Variants in CNTNAP2 observed in about 807,000 individuals in gnomAD.
The protein encoded by CNTNAP2 is contactin associated protein 2, also known as contactin-associated protein-like 2.
CNTNAP2 carries 98 observed loss-of-function variants against 155.2 expected under a neutral mutation model. That is an observed-to-expected ratio of 0.63 (90% CI 0.54 to 0.75). The LOEUF (loss-of-function observed/expected upper bound fraction) is 0.75, where lower values mean the gene tolerates loss of function less well. Among genes scored for constraint, CNTNAP2 ranks in the 30% least tolerant of loss-of-function variants. CNTNAP2 has a pLI of 0.00. For missense variants in CNTNAP2, 1,727 were observed against 1,688.1 expected (o/e 1.02, Z -0.40); for synonymous variants, 651 against 631.2 (o/e 1.03, Z -0.47).
At chr7:147,723,570 C>CT (rs879792985) in intron 13 of CNTNAP2, among the ~76,000 whole-genome samples, 2,454 of 145,340 alleles carry the variant, frequency 0.017, 66 homozygotes, top group African/African-American at 0.057. Flanking sequence ...TAGACTTTGT[C>CT]TTTTTTTTTT....
At chr7:148,003,609 A>G (rs562028035) in intron 15 of CNTNAP2, among the ~76,000 whole-genome samples, 2 of 152,308 alleles carry the variant, frequency 1.3e-5, no homozygotes, top group East Asian at 1.9e-4. Context: ...AAGACATTCT[A>G]TCTTTCCCTA....
chr7:147,963,520 A>T (rs2373280), intron 14 of CNTNAP2, among the ~76,000 whole-genome samples: 20,548 of 152,166 alleles, frequency 0.14, 2,286 homozygotes, highest in African/African-American at 0.31. Context: ...AAAGGGCGCA[A>T]CATGTACAAA....
At chr7:148,091,649 A>G (rs1803843988) in intron 15 of CNTNAP2, among the ~76,000 whole-genome samples, 1 of 152,244 alleles carries the variant, frequency 6.6e-6, no homozygotes, top group Admixed American at 6.5e-5. Flanking sequence ...AAAGCTGAGA[A>G]GTATTCTTTC....
intron 13 of CNTNAP2, among the ~76,000 whole-genome samples, chr7:147,838,573 C>A (rs1004423883): frequency 6.6e-6 from 1 of 152,158 alleles, no homozygotes; most frequent in African/African-American, 2.4e-5. Flanking sequence ...CAAAGTTCCA[C>A]AAATCTCTAT....
At chr7:147,957,638 G>T (rs963229972) in intron 14 of CNTNAP2, among the ~76,000 whole-genome samples, 2 of 151,922 alleles carry the variant, frequency 1.3e-5, no homozygotes, top group Non-Finnish European at 2.9e-5. Flanking sequence ...ATTCAGTTCC[G>T]GTTAACCAAG....
intron 13 of CNTNAP2, among the ~76,000 whole-genome samples, chr7:147,711,734 G>A (rs1024690949): frequency 6.6e-6 from 1 of 152,102 alleles, no homozygotes; most frequent in Non-Finnish European, 1.5e-5. Context: ...TTTTAACACA[G>A]GATGTCTATT....
intron 15 of CNTNAP2, among the ~76,000 whole-genome samples, chr7:148,103,566 T>C (rs1804148071): frequency 6.6e-6 from 1 of 152,230 alleles, no homozygotes; most frequent in Admixed American, 6.5e-5. Flanking sequence ...GTCATCAATG[T>C]GAATTCCATT....
chr7:147,838,402 T>A (rs1159498460), intron 13 of CNTNAP2, among the ~76,000 whole-genome samples: 1 of 139,200 alleles, frequency 7.2e-6, no homozygotes, highest in African/African-American at 2.5e-5. Context: ...AAAATAGGAT[T>A]TTTTTTTCTA....
intron 10 of CNTNAP2, among the ~76,000 whole-genome samples, chr7:147,399,065 G>A (rs1003385749): frequency 1.5e-4 from 23 of 152,042 alleles, no homozygotes; most frequent in Non-Finnish European, 2.8e-4. Context: ...TGCAGGGAAA[G>A]AACATTTGAC....
chr7:146,867,069 G>A (rs1370516008), intron 3 of CNTNAP2, among the ~76,000 whole-genome samples: 1 of 151,934 alleles, frequency 6.6e-6, no homozygotes, highest in African/African-American at 2.4e-5. Flanking sequence ...TGTTACATAG[G>A]TAAACACGTG....
In CNTNAP2 at chr7:146,710,276, A is replaced by AT. The variant is rs1228103713; in HGVS notation, c.98-63991dup. Among the ~76,000 whole-genome samples, 5 of 152,332 alleles carry AT rather than the reference A, an allele frequency of 3.3e-5. No homozygotes were observed. The East Asian group carries it at 7.7e-4, about 24-fold the overall frequency. ...GAAAACAAATGTCATGGGGATCAGA[A>AT]TTTTGTCTCAAGGGAACTGTAGTGT... On this transcript the variant is annotated intron_variant, in intron 1 of 23. Transcript: ENST00000361727.
intron 9 of CNTNAP2, among the ~76,000 whole-genome samples, chr7:147,302,933 G>T (rs1435623990): frequency 6.6e-6 from 1 of 152,206 alleles, no homozygotes; most frequent in East Asian, 1.9e-4. Context: ...GCTCAGTGAG[G>T]TCCCAGCTCT....
chr7:146,242,698 C>G (rs1449635674), intron 1 of CNTNAP2, among the ~76,000 whole-genome samples: 1 of 152,110 alleles, frequency 6.6e-6, no homozygotes, highest in East Asian at 1.9e-4. Flanking sequence ...TTGATAATGA[C>G]CTTATTTTTG....
At chr7:146,328,359 A>G (rs1801129313) in intron 1 of CNTNAP2, among the ~76,000 whole-genome samples, 1 of 152,168 alleles carries the variant, frequency 6.6e-6, no homozygotes, top group African/African-American at 2.4e-5. Context: ...TGTTCTATCA[A>G]AATATCTTCT....
intron 21 of CNTNAP2, among the ~76,000 whole-genome samples, chr7:148,362,416 C>T (rs953389134): frequency 6.6e-6 from 1 of 151,980 alleles, no homozygotes; most frequent in Non-Finnish European, 1.5e-5. Context: ...AAAGGTCACA[C>T]TCACAGGTAA....
chr7:146,296,868 T>C (rs1800522379), intron 1 of CNTNAP2, among the ~76,000 whole-genome samples: 1 of 152,052 alleles, frequency 6.6e-6, no homozygotes, highest in Admixed American at 6.6e-5. Flanking sequence ...AGTTCAGATT[T>C]TCAGAAAACT....
At chr7:147,120,912 A>T in intron 5 of CNTNAP2, 67 bp from the exon 6 acceptor site, 1 of 1,451,972 alleles carries the variant, frequency 6.9e-7, no homozygotes. Context: ...TAAATGAAAG[A>T]TCTTCTGCTT....
At chr7:146,464,748 G>T (rs539643745) in intron 1 of CNTNAP2, among the ~76,000 whole-genome samples, 7 of 152,222 alleles carry the variant, frequency 4.6e-5, no homozygotes, top group African/African-American at 1.7e-4. Flanking sequence ...ACCACGCTTA[G>T]CACACTATGT....
chr7:147,331,997 G>T (rs924356629), intron 9 of CNTNAP2, among the ~76,000 whole-genome samples: 1 of 152,144 alleles, frequency 6.6e-6, no homozygotes. Context: ...GTTCTCAGCT[G>T]CCCTCTCCTT....
Sources: allele counts gnomAD v4.1 joint callset (sites outside exome capture counted in the v4.1 genomes callset), GRCh38; gene constraint gnomAD v4.1.1; transcripts MANE v1.5; gene names NCBI Gene and HGNC (gene_info 2026-07-23, HGNC 2026-07-21).